The following ZNF630 variants were observed in gnomAD, a reference collection of about 807,000 sequenced individuals.
ZNF630 encodes the protein dJ54B20.2 (novel KRAB box containing C2H2 type zinc finger protein).
Under a neutral mutation model 7.2 loss-of-function variants are expected in ZNF630, and 5 were observed. That is an observed-to-expected ratio of 0.70 (90% CI 0.36 to 1.46). The LOEUF (loss-of-function observed/expected upper bound fraction) is 1.46, where lower values mean the gene tolerates loss of function less well. Among genes scored for constraint, ZNF630 ranks in the 40% most tolerant of loss-of-function variants. The pLI is 0.03. For missense variants in ZNF630, 461 were observed against 477.0 expected (o/e 0.97, Z 0.31); for synonymous variants, 158 against 162.8 (o/e 0.97, Z 0.23).
intron 2 of ZNF630, among the ~76,000 whole-genome samples, chrX:48,061,170 G>A (rs2059103916): frequency 9.0e-6 from 1 of 110,770 alleles, no homozygotes; most frequent in South Asian, 3.7e-4. Context: ...TTTTAAACAG[G>A]AATGGAAAAA....
At chrX:48,069,178 T>C (rs1277280548) in intron 1 of ZNF630, among the ~76,000 whole-genome samples, 1 of 106,859 alleles carries the variant, frequency 9.4e-6, no homozygotes, top group African/African-American at 3.5e-5. Context: ...GAGGCGGAGG[T>C]TGCAATGTGC....
In ZNF630 at chrX:48,060,860, C is replaced by T. The variant is rs371700621; in HGVS notation, c.101G>A (p.Arg34Lys). The change falls in exon 3 of 5, where the codon AGG becomes AAG. Residue 34 changes from arginine to lysine, a missense_variant. Transcript: ENST00000276054. ...ATTATAGGTCTCCAGCATCACATCC[C>T]TATGCAGGGTCTTCTGAGCAGGATT... ...QLNPAQKTLH[R>K]DVMLETYNHL... is the part of the protein sequence containing the mutation. The T allele has an allele frequency of 6.6e-6, 8 of 1,205,905 alleles. No individual in the cohort carries two copies. The highest frequency in any genetic ancestry group is 3.5e-5 in the South Asian group (2 of 56,462).
chrX:48,060,970 T>C, intron 2 of ZNF630, 25 bp from the exon 3 acceptor site: 2 of 1,163,144 alleles, frequency 1.7e-6, no homozygotes, highest in Non-Finnish European at 2.3e-6. Flanking sequence ...TCCTGTACAA[T>C]CTGCTCGTTC....
chrX:48,058,956 A>G lies in ZNF630; in HGVS notation c.1486T>C (p.Phe496Leu). 8.3e-7 allele frequency: 1 copy of G among 1,208,510 alleles called. No homozygotes were observed. ...ATGATAAGAGGTGATTTCTGAGAGA[A>G]GGATTTTCCACATTCAGTACACATA... ...PYMCTECGKS[F>L]SQKSPLIIHQ... The change falls in exon 5 of 5, where the codon TTC (phenylalanine) becomes CTC (leucine). Residue 496 changes from phenylalanine to leucine, a missense_variant. Coordinates refer to ENST00000276054, the MANE Select transcript of ZNF630 (RefSeq NM_001282201.2).
intron 1 of ZNF630, among the ~76,000 whole-genome samples, chrX:48,069,852 TTTTG>T (rs1556910760): frequency 1.0e-5 from 1 of 99,418 alleles, no homozygotes; most frequent in Non-Finnish European, 2.0e-5. Context: ...TTTTTTTTTT[TTTTG>T]TTTTTTGTTT....
chrX:48,061,880 C>T, intron 2 of ZNF630: 1 of 258,491 alleles, frequency 3.9e-6, no homozygotes, highest in Admixed American at 4.1e-5. Flanking sequence ...TTATAAATTA[C>T]CCAGTCTTGG....
chrX:48,068,086 A>AGGAAGGCAGGAG (rs1569422236), intron 1 of ZNF630, among the ~76,000 whole-genome samples: 1 of 104,172 alleles, frequency 9.6e-6, no homozygotes, highest in Non-Finnish European at 2.0e-5. Context: ...AAAGGCAGGA[A>AGGAAGGCAGGAG]GGAAGGCAGG....
chrX:48,059,149 A>G lies in ZNF630; in HGVS notation c.1293T>C (p.Tyr431=), dbSNP rs1474348397. The change falls in exon 5 of 5, where the codon TAT becomes TAC. Residue 431 remains tyrosine (Y), a synonymous_variant. Transcript: ENST00000276054. ...HQRTHTGEKP[Y]KCGECGKTFC... Reference sequence around the variant, plus strand: ...AAGTTTTCCCACATTCACCACACTTATAGGGCTTCTCTCCAGTATGCGTTC... The same window carrying G: ...AAGTTTTCCCACATTCACCACACTTGTAGGGCTTCTCTCCAGTATGCGTTC... 5.8e-6 allele frequency: 7 copies of G among 1,206,882 alleles called. No individual in the cohort carries two copies. Among genetic ancestry groups the G allele is most frequent in the Non-Finnish European group, 6.7e-6 (6 of 892,989 alleles).
chrX:48,058,592 T>C lies in ZNF630; in HGVS notation c.1850A>G (p.Tyr617Cys), dbSNP rs1556908238. The C allele has an allele frequency of 8.3e-7, 1 of 1,208,609 alleles. No individual in the cohort carries two copies. Among genetic ancestry groups the C allele is most frequent in the South Asian group, 1.8e-5 (1 of 56,817 alleles). Residue 617 changes from tyrosine (Y) to cysteine (C), a missense_variant, in exon 5 of 5, where the codon TAT becomes TGT. Physicochemically the swap from Tyr to Cys is radical, Grantham distance 194 (BLOSUM62 -2). Coordinates refer to ENST00000276054, the MANE Select transcript of ZNF630 (RefSeq NM_001282201.2). The stretch of plus-strand genomic sequence containing the variant: ...TTTCTCCCCAGTGTGTCTTCTCTGA[T>C]ATGTAATCATCTGTGATTTCCAGAA... ...TFFWKSQMIT[Y>C]QRRHTGEKPS... is the part of the protein sequence containing the mutation.
In ZNF630 at chrX:48,068,648, A is replaced by T. The variant is rs782347334; in HGVS notation, c.-175-1587T>A. ...TAGCTCATGGCTGTATTTTTTTTTT[A>T]AAAAGCAACATGTCATATTTGGCCC... On this transcript the variant is annotated intron_variant, in intron 1 of 4. Transcript: ENST00000276054. Among the ~76,000 whole-genome samples, 30 of 109,691 alleles carry T rather than the reference A, an allele frequency of 2.7e-4. 3 individuals are homozygous for T. Among genetic ancestry groups the T allele is most frequent in the Non-Finnish European group, 5.3e-4 (28 of 52,344 alleles).
At position 48,066,922 on chromosome X, in the gene ZNF630, G is replaced by A. The variant is rs782262552; in HGVS notation, c.-36C>T. On this transcript the variant is annotated 5_prime_UTR_variant, in exon 2 of 5. Transcript: ENST00000276054. ...TCTTTGGAAAGCAGTTGGGGGCGGG[G>A]TGGGGTGCAGAAGAGTCTTCGGAGA... 15 of 1,200,323 alleles carry A rather than the reference G, an allele frequency of 1.2e-5. No individual in the cohort carries two copies. The South Asian group carries it at 2.7e-4, about 21-fold the overall frequency.
At chrX:48,069,265 G>GA (rs2059148138) in intron 1 of ZNF630, among the ~76,000 whole-genome samples, 1 of 105,518 alleles carries the variant, frequency 9.5e-6, no homozygotes, top group African/African-American at 3.5e-5. Context: ...GAAAAGAAAA[G>GA]AAAACAAAAA....
chrX:48,069,172 C>T (rs928631407), intron 1 of ZNF630, among the ~76,000 whole-genome samples: 5 of 106,573 alleles, frequency 4.7e-5, no homozygotes, highest in Admixed American at 3.1e-4. Context: ...ATCCGGGAGG[C>T]GGAGGTTGCA....
At chrX:48,069,009 G>A (rs1201201872) in intron 1 of ZNF630, among the ~76,000 whole-genome samples, 1 of 110,968 alleles carries the variant, frequency 9.0e-6, no homozygotes, top group African/African-American at 3.3e-5. Flanking sequence ...GGAGGCCAAG[G>A]CAAGAGGATT....
chrX:48,068,198 GGAAAGAAAAGAAAAGAAAAGAA>G lies in ZNF630; in HGVS notation c.-175-1159_-175-1138del, dbSNP rs2059141183. On this transcript the variant is annotated intron_variant, in intron 1 of 4. Coordinates refer to ENST00000276054, the MANE Select transcript of ZNF630 (RefSeq NM_001282201.2). ...AGGAAGGAAGGAAGGAAGGAAGGAA[GGAAAGAAAAGAAAAGAAAAGAA>G]AAAAGAAAAGAAAAGAAAAGAAAAG... Among the ~76,000 whole-genome samples the G allele has an allele frequency of 1.0e-3, 39 of 37,144 alleles. 1 individual carries two copies. The highest frequency in any genetic ancestry group is 3.1e-3 in the African/African-American group (34 of 11,011). 32.3% of individuals were successfully genotyped at this position (37,144 alleles called of 115,157 possible). A position where few individuals can be genotyped will look rare whatever the true frequency, so the allele number is the denominator to read the frequency against.
Position 48,059,522 on chromosome X carries a change from A to T in ZNF630, c.920T>A (p.Ile307Asn), listed in dbSNP as rs782110403. ...CCCAGTATGAATCCTCTGATGCACA[A>T]TGAGGTGTGATTTCTCACTGAAGGC... ...RKAFSEKSHL[I>N]VHQRIHTGEK... The change falls in exon 5 of 5, where the codon ATT becomes AAT. Residue 307 changes from isoleucine (I) to asparagine (N), a missense_variant. By Grantham distance (149) the Ile-to-Asn change is moderately radical (BLOSUM62 -3). Transcript: ENST00000276054. The T allele has an allele frequency of 1.7e-6, 2 of 1,207,683 alleles. No homozygotes were observed. Among genetic ancestry groups the T allele is most frequent in the South Asian group, 3.5e-5 (2 of 56,863 alleles).
chrX:48,060,122 G>A lies in ZNF630; in HGVS notation c.320C>T (p.Pro107Leu), dbSNP rs1556908908. The change falls in exon 5 of 5, where the codon CCA becomes CTA. Residue 107 changes from proline to leucine, a missense_variant. By Grantham distance (98) the Pro-to-Leu change is moderately conservative. Coordinates refer to ENST00000276054, the MANE Select transcript of ZNF630 (RefSeq NM_001282201.2). The stretch of plus-strand genomic sequence containing the variant: ...AACAGAGTACAATGAATTATCCTTT[G>A]GGGCTCTTTCTAGTATCTCCCTTTG... ...LFQREILERA[P>L]KDNSLYSVLK... 1 of 1,172,287 alleles carries A rather than the reference G, an allele frequency of 8.5e-7. No homozygotes were observed. The highest frequency in any genetic ancestry group is 1.8e-5 in the African/African-American group (1 of 55,266).
In ZNF630 at chrX:48,058,467, A is replaced by G. The variant is rs191698441; in HGVS notation, c.*1T>C. The G allele has an allele frequency of 2.4e-4, 276 of 1,142,023 alleles. 2 individuals are homozygous for G. In the East Asian group the frequency reaches 8.2e-3, roughly 34 times the overall value. 94.1% of individuals were successfully genotyped at this position (1,142,023 alleles called of 1,213,427 possible). On this transcript the variant is annotated 3_prime_UTR_variant, in exon 5 of 5. Coordinates refer to ENST00000276054, the MANE Select transcript of ZNF630 (RefSeq NM_001282201.2). ...ACTTCTGGGAATAGGCCTTCCCACAATCAGCATATATACAAGGTGTCTTTC... is the reference window on the plus strand; with the variant it reads ...ACTTCTGGGAATAGGCCTTCCCACAGTCAGCATATATACAAGGTGTCTTTC...
chrX:48,058,822 C>A lies in ZNF630; in HGVS notation c.1620G>T (p.Glu540Asp). 1 of 1,204,961 alleles carries A rather than the reference C, an allele frequency of 8.3e-7. No individual in the cohort carries two copies. Among genetic ancestry groups the A allele is most frequent in the Non-Finnish European group, 1.1e-6 (1 of 891,227 alleles). ...LIIHLRVHTG[E>D]KPYECTECGR... is the part of the protein sequence containing the mutation. ...CACACTCAGTACACTCATAAGGTTT[C>A]TCCCCTGTGTGAACTCTCAGATGAA... Residue 540 changes from glutamate (E) to aspartate (D), a missense_variant, in exon 5 of 5, where the codon GAG becomes GAT. Coordinates refer to ENST00000276054, the MANE Select transcript of ZNF630 (RefSeq NM_001282201.2).
Sources: allele counts gnomAD v4.1 joint callset (sites outside exome capture counted in the v4.1 genomes callset), GRCh38; gene constraint gnomAD v4.1.1; transcripts MANE v1.5; gene names NCBI Gene and HGNC (gene_info 2026-07-23, HGNC 2026-07-21).